The following DUS3L variants were observed in gnomAD, a reference collection of about 807,000 sequenced individuals.
DUS3L encodes tRNA-dihydrouridine(47) synthase [NAD(P)(+)]-like.
Under a neutral mutation model 74.6 loss-of-function variants are expected in DUS3L, and 62 were observed. The ratio of observed to expected loss-of-function variants is 0.83; its 90% CI spans 0.68 to 1.03. DUS3L has a LOEUF of 1.03. DUS3L is among the 50% of genes least tolerant of loss of function. The pLI is 0.00. For synonymous variants in DUS3L, 433 were observed against 395.7 expected (o/e 1.09, Z -1.12); for missense variants, 884 against 924.4 (o/e 0.96, Z 0.57).
chr19:5,789,175 G>T, intron 3 of DUS3L, 32 bp downstream of exon 3: 1 of 1,509,002 alleles, frequency 6.6e-7, no homozygotes, highest in Non-Finnish European at 8.8e-7. Flanking sequence ...CAGATGGACA[G>T]ATCTGCTACT....
chr19:5,786,388 G>A (rs1242351791), intron 10 of DUS3L, 79 bp downstream of exon 10: 7 of 1,420,060 alleles, frequency 4.9e-6, no homozygotes, highest in Non-Finnish European at 5.8e-6. Flanking sequence ...CCACAGAACA[G>A]GGGTGGGTGA....
At chr19:5,787,503 C>G in intron 6 of DUS3L, 86 bp downstream of exon 6, 2 of 1,543,822 alleles carry the variant, frequency 1.3e-6, no homozygotes, top group Non-Finnish European at 1.8e-6. Flanking sequence ...AGCCCAAACC[C>G]CTGACCCTCC....
chr19:5,788,010 G>C lies in DUS3L; in HGVS notation c.1095+14C>G, dbSNP rs2056871065. ...GGGCCCCTCCACTCTCCCTCCCTCGGGGTGGGCACTGACCTGGACGCCAAA... is the reference window on the plus strand; with the variant it reads ...GGGCCCCTCCACTCTCCCTCCCTCGCGGTGGGCACTGACCTGGACGCCAAA... On this transcript the variant is annotated intron_variant, in intron 5 of 12. Transcript: ENST00000309061. 1 of 1,611,392 alleles carries C rather than the reference G, an allele frequency of 6.2e-7. No homozygotes were observed. Among genetic ancestry groups the C allele is most frequent in the Non-Finnish European group, 8.5e-7 (1 of 1,179,652 alleles).
Position 5,789,483 on chromosome 19 carries a change from G to A in DUS3L, c.624C>T (p.Asn208=), listed in dbSNP as rs368921408. 16 of 1,604,022 alleles carry A rather than the reference G, an allele frequency of 1.0e-5. No individual in the cohort carries two copies. The highest frequency in any genetic ancestry group is 2.2e-5 in the East Asian group (1 of 44,800). ...ARGTQPPSIR[N]GLDKALQQQL... ...GCTGCTGCAGGGCTTTGTCCAGGCCGTTGCGGATGGACGGGGGCTGGGTCC... is the reference window on the plus strand; with the variant it reads ...GCTGCTGCAGGGCTTTGTCCAGGCCATTGCGGATGGACGGGGGCTGGGTCC... The change falls in exon 3 of 13, where the codon AAC becomes AAT. Residue 208 remains asparagine, a synonymous_variant. Coordinates refer to ENST00000309061, the MANE Select transcript of DUS3L (RefSeq NM_020175.3).
At chr19:5,786,885 T>A (rs1402012368) in intron 8 of DUS3L, 40 bp from the exon 9 acceptor site, 1 of 1,565,066 alleles carries the variant, frequency 6.4e-7, no homozygotes, top group Admixed American at 1.9e-5. Context: ...AGGCAGAGAG[T>A]GAGACGCAGA....
rs967486391 is a variant in DUS3L at position 5,787,024 on chromosome 19, C to T, written c.1389+37G>A. On this transcript the variant is annotated intron_variant, in intron 8 of 12. Transcript: ENST00000309061. ...CATTAGGAAGGGACGCGGGGTCGAC[C>T]GCGAGGCCCCAATGCCCGAGGCGTC... 3.1e-5 allele frequency: 47 copies of T among 1,507,468 alleles called. No individual in the cohort carries two copies. In the African/African-American group the frequency reaches 4.5e-4, roughly 15 times the overall value. The allele number at this position is 1,507,468 out of a possible 1,614,324, so 93.4% of individuals were successfully genotyped here. A position where few individuals can be genotyped will look rare whatever the true frequency, so the allele number is the denominator to read the frequency against.
At chr19:5,789,853 G>A in intron 2 of DUS3L, 134 bp from the exon 3 acceptor site, 3 of 1,316,688 alleles carry the variant, frequency 2.3e-6, no homozygotes, top group African/African-American at 3.0e-5. Context: ...CCGTGCCTCT[G>A]CATCTCCATT....
At chr19:5,789,755 G>C in intron 2 of DUS3L, 36 bp from the exon 3 acceptor site, 1 of 1,566,906 alleles carries the variant, frequency 6.4e-7, no homozygotes, top group Non-Finnish European at 8.6e-7. Flanking sequence ...GGGAGGACAG[G>C]GAGACCCCGG....
chr19:5,786,746 C>A lies in DUS3L; in HGVS notation c.1486+3G>T. The A allele has an allele frequency of 6.2e-7, 1 of 1,610,864 alleles. No homozygotes were observed. Among genetic ancestry groups the A allele is most frequent in the South Asian group, 1.1e-5 (1 of 90,660 alleles). ...GAGGGAGGTGGCTTCCCGGAACACCCACCGAACAGGGGCATGGGGCTGGCG... is the reference window on the plus strand; with the variant it reads ...GAGGGAGGTGGCTTCCCGGAACACCAACCGAACAGGGGCATGGGGCTGGCG... On this transcript the variant is annotated splice_donor_region_variant and intron_variant, in intron 9 of 12. Transcript: ENST00000309061.
intron 8 of DUS3L, 105 bp from the exon 9 acceptor site, chr19:5,786,950 G>C (rs1215985552): frequency 3.4e-6 from 5 of 1,491,996 alleles, no homozygotes; most frequent in Non-Finnish European, 2.7e-6. Flanking sequence ...CACAGGCGGA[G>C]ACAGAGGGAG....
Position 5,789,228 on chromosome 19 carries a change from C to T in DUS3L, c.879G>A (p.Leu293=), listed in dbSNP as rs1318897668. ...GTACCCGCTTCTTCTCACAGGGCCG[C>T]AGCCTGACCACGTCCTCATCCGTCA... ...GPLTDEDVVR[L]RPCEKKRLDI... The change falls in exon 3 of 13, where the codon CTG becomes CTA. Residue 293 remains leucine (L), a synonymous_variant. Coordinates refer to ENST00000309061, the MANE Select transcript of DUS3L (RefSeq NM_020175.3). 6.4e-7 allele frequency: 1 copy of T among 1,553,646 alleles called. No homozygotes were observed.
chr19:5,786,930 CAG>C (rs777814214), intron 8 of DUS3L, 85 bp from the exon 9 acceptor site: 3 of 1,503,612 alleles, frequency 2.0e-6, no homozygotes, highest in African/African-American at 1.4e-5. Flanking sequence ...CTGAGAGAGA[CAG>C]AGAGAGACAC....
chr19:5,789,341 T>C lies in DUS3L; in HGVS notation c.766A>G (p.Arg256Gly), dbSNP rs992756864. The change falls in exon 3 of 13, where the codon AGG becomes GGG. Residue 256 changes from arginine (R) to glycine (G), a missense_variant. Arg to Gly is a moderately radical substitution (Grantham distance 125). Transcript: ENST00000309061. ...TGCTGGGCACCACAGTTTTCCTGCC[T>C]GGGAGCGCCCTCGGCTGCCGTGCCC... ...PEGTAAEGAPRQENCGAQQVP... is the reference protein window; with the variant it reads ...PEGTAAEGAPGQENCGAQQVP... The C allele has an allele frequency of 3.1e-6, 5 of 1,603,584 alleles. No individual in the cohort carries two copies. In the African/African-American group the frequency reaches 6.7e-5, roughly 22 times the overall value.
intron 10 of DUS3L, among the ~76,000 whole-genome samples, 193 bp downstream of exon 10, chr19:5,786,274 C>A (rs1206143308): frequency 6.6e-6 from 1 of 152,178 alleles, no homozygotes; most frequent in South Asian, 2.1e-4. Context: ...AACCCACAAT[C>A]ATCAGATCCC....
chr19:5,789,132 C>A, intron 3 of DUS3L, 75 bp downstream of exon 3: 1 of 1,489,556 alleles, frequency 6.7e-7, no homozygotes, highest in Non-Finnish European at 8.9e-7. Flanking sequence ...AGAACAGGAA[C>A]GTGGACACAG....
rs1437317824 is a variant in DUS3L, at chr19:5,785,189, G to C, written c.*14C>G. ...ACTCTCCTCGCCCCAGGGTGCCCCT[G>C]GGAAAGCCTGAGGCTACTTGTACGC... On this transcript the variant is annotated 3_prime_UTR_variant, in exon 13 of 13. Transcript: ENST00000309061. 1 of 1,597,590 alleles carries C rather than the reference G, an allele frequency of 6.3e-7. No individual in the cohort carries two copies. The highest frequency in any genetic ancestry group is 8.5e-7 in the Non-Finnish European group (1 of 1,172,624).
At chr19:5,789,166 A>T in intron 3 of DUS3L, 41 bp downstream of exon 3, 1 of 1,505,052 alleles carries the variant, frequency 6.6e-7, no homozygotes. Context: ...GACGCACACC[A>T]GATGGACAGA....
intron 3 of DUS3L, among the ~76,000 whole-genome samples, chr19:5,788,867 C>T (rs113682386): frequency 0.019 from 2,891 of 152,172 alleles, 105 homozygotes; most frequent in African/African-American, 0.066. Flanking sequence ...CCACCAGGCC[C>T]GGCTAATTTT....
chr19:5,790,440 G>C, intron 1 of DUS3L, 105 bp from the exon 2 acceptor site: 1 of 1,405,934 alleles, frequency 7.1e-7, no homozygotes, highest in Non-Finnish European at 9.7e-7. Context: ...TGCTGATGGG[G>C]AGCTCACTAC....
Sources: allele counts gnomAD v4.1 joint callset (sites outside exome capture counted in the v4.1 genomes callset), GRCh38; gene constraint gnomAD v4.1.1; transcripts MANE v1.5; gene names NCBI Gene and HGNC (gene_info 2026-07-23, HGNC 2026-07-21).